The following DISC1 variants were observed in gnomAD, a reference collection of about 807,000 sequenced individuals.
The protein encoded by DISC1 is disrupted in schizophrenia 1 protein.
A neutral mutation model predicts 84.5 loss-of-function variants in DISC1; 57 were observed. The observed-to-expected ratio is 0.67, with a 90% CI of 0.55 to 0.84. The LOEUF (loss-of-function observed/expected upper bound fraction) is 0.84. Among genes scored for constraint, DISC1 ranks in the 40% least tolerant of loss-of-function variants. DISC1 has a pLI of 0.00. For missense variants in DISC1, 1,000 were observed against 1,057.8 expected (o/e 0.95, Z 0.76); for synonymous variants, 411 against 415.2 (o/e 0.99, Z 0.12).
In DISC1 at chr1:231,927,230, T is replaced by C. The variant is rs550311507; in HGVS notation, c.1982-31598T>C. ...CCTGTGGCCATGCAATTTCCATTTATAGCCATGTATTGGCTTACAAGCCTA... is the reference window on the plus strand; with the variant it reads ...CCTGTGGCCATGCAATTTCCATTTACAGCCATGTATTGGCTTACAAGCCTA... On this transcript the variant is annotated intron_variant, in intron 9 of 12. Coordinates refer to ENST00000439617, the MANE Select transcript of DISC1 (RefSeq NM_018662.3). Among the ~76,000 whole-genome samples, 22 of 152,344 alleles carry C rather than the reference T, an allele frequency of 1.4e-4. No homozygotes were observed. In the East Asian group the frequency reaches 4.3e-3, roughly 29 times the overall value.
chr1:231,886,771 CTTT>C (rs766086179), intron 9 of DISC1, among the ~76,000 whole-genome samples: 11,821 of 73,340 alleles, frequency 0.16, 788 homozygotes, highest in African/African-American at 0.2. Context: ...TCCTTCCTTT[CTTT>C]CTTTCTTTCT....
rs534330282 is a variant in DISC1 at position 232,018,202 on chromosome 1, A to G, written c.2308-8233A>G. Among the ~76,000 whole-genome samples, 31 of 152,346 alleles carry G rather than the reference A, an allele frequency of 2.0e-4. 1 individual carries two copies. In the South Asian group the frequency reaches 6.4e-3, roughly 32 times the overall value. ...TCCTCATCACTCTAGATACAGCCTG[A>G]TGAGATATTGTTACCAGATACTTTC... On this transcript the variant is annotated intron_variant, in intron 11 of 12. Coordinates refer to ENST00000439617, the MANE Select transcript of DISC1 (RefSeq NM_018662.3).
At position 231,892,638 on chromosome 1, in the gene DISC1, A is replaced by G. The variant is rs58522377; in HGVS notation, c.1982-66190A>G. On this transcript the variant is annotated intron_variant, in intron 9 of 12. Transcript: ENST00000439617. ...CGTGATCTTCACTCTGATGGAATCCAGTGGGGGAAATGAATATAAAAACAG... is the reference window on the plus strand; with the variant it reads ...CGTGATCTTCACTCTGATGGAATCCGGTGGGGGAAATGAATATAAAAACAG... 8.3e-3 allele frequency among the ~76,000 whole-genome samples: 1,258 copies of G among 151,908 alleles called. 17 individuals are homozygous for G. The highest frequency in any genetic ancestry group is 0.029 in the African/African-American group (1,188 of 41,368).
chr1:231,763,443 G>A (rs1207420707), intron 4 of DISC1, among the ~76,000 whole-genome samples: 1 of 152,146 alleles, frequency 6.6e-6, no homozygotes, highest in Admixed American at 6.5e-5. Flanking sequence ...ATGAAACAAA[G>A]AATAGATTTC....
chr1:231,697,638 G>A (rs150473675), intron 2 of DISC1, among the ~76,000 whole-genome samples: 119 of 139,872 alleles, frequency 8.5e-4, no homozygotes, highest in African/African-American at 3.1e-3. Flanking sequence ...GGGTAGAGAT[G>A]AGGGTCTTGC....
intron 1 of DISC1, among the ~76,000 whole-genome samples, chr1:231,673,030 T>G (rs1413705485): frequency 6.6e-6 from 1 of 152,160 alleles, no homozygotes; most frequent in Non-Finnish European, 1.5e-5. Flanking sequence ...AGTTGATGAG[T>G]GACCTCTGGT....
At chr1:231,837,643 G>A (rs1185099898) in intron 9 of DISC1, among the ~76,000 whole-genome samples, 1 of 152,164 alleles carries the variant, frequency 6.6e-6, no homozygotes, top group Non-Finnish European at 1.5e-5. Flanking sequence ...TATGGAAACT[G>A]TTATTGTATT....
intron 9 of DISC1, among the ~76,000 whole-genome samples, chr1:231,935,938 G>T (rs821579): frequency 5.3e-5 from 8 of 152,090 alleles, no homozygotes; most frequent in Non-Finnish European, 7.3e-5. Flanking sequence ...TTTTTACTGC[G>T]TCCTCCTCTC....
rs148359658 is a variant in DISC1, at chr1:232,030,712, G to A, written c.2425+4160G>A. On this transcript the variant is annotated intron_variant, in intron 12 of 12. Coordinates refer to ENST00000439617, the MANE Select transcript of DISC1 (RefSeq NM_018662.3). Reference sequence around the variant, plus strand: ...ACAGACAAAGGTAACGAGAGTTTTGGGAGACTGTCCTGCCTCCTTGGAGAT... The same window carrying A: ...ACAGACAAAGGTAACGAGAGTTTTGAGAGACTGTCCTGCCTCCTTGGAGAT... 3.6e-4 allele frequency among the ~76,000 whole-genome samples: 55 copies of A among 152,274 alleles called. 1 individual carries two copies. Among genetic ancestry groups the A allele is most frequent in the Middle Eastern group, 3.4e-3 (1 of 294 alleles).
At chr1:231,916,654 CAAAAA>C (rs3083755) in intron 9 of DISC1, among the ~76,000 whole-genome samples, 2 of 102,076 alleles carry the variant, frequency 2.0e-5, no homozygotes, top group Non-Finnish European at 4.3e-5. Flanking sequence ...GACTCCGTCT[CAAAAA>C]AAAAAAAAAA....
intron 3 of DISC1, among the ~76,000 whole-genome samples, chr1:231,744,767 T>C (rs185715118): frequency 8.1e-4 from 124 of 152,304 alleles, no homozygotes; most frequent in African/African-American, 2.6e-3. Context: ...AATTCACCCA[T>C]GGATCCAACA....
chr1:231,678,758 C>T (rs1238450061), intron 1 of DISC1, among the ~76,000 whole-genome samples: 4 of 152,170 alleles, frequency 2.6e-5, no homozygotes, highest in African/African-American at 7.2e-5. Flanking sequence ...TTCCGCCTCC[C>T]GAGTTCAAGC....
At chr1:231,730,442 A>G (rs2071368049) in intron 3 of DISC1, among the ~76,000 whole-genome samples, 1 of 152,178 alleles carries the variant, frequency 6.6e-6, no homozygotes, top group African/African-American at 2.4e-5. Flanking sequence ...TTTAAACTTT[A>G]GATTCAGGGG....
chr1:231,723,355 C>G, intron 3 of DISC1: 2 of 985,788 alleles, frequency 2.0e-6, no homozygotes, highest in South Asian at 9.4e-5. Context: ...TGCAGGAAGA[C>G]CTGTAAACTC....
At chr1:231,695,344 A>G (rs2065522316) in intron 2 of DISC1, among the ~76,000 whole-genome samples, 1 of 152,190 alleles carries the variant, frequency 6.6e-6, no homozygotes, top group Admixed American at 6.5e-5. Flanking sequence ...ACCAACTCAT[A>G]GGATTGTTCT....
rs763179161 is a variant in DISC1 at position 231,694,286 on chromosome 1, T to C, written c.528T>C (p.Ser176=). The C allele has an allele frequency of 1.2e-6, 2 of 1,614,258 alleles. No homozygotes were observed. Among genetic ancestry groups the C allele is most frequent in the Admixed American group, 3.3e-5 (2 of 60,032 alleles). ...DGARRVRAAG[S]LPSAELSSNS... ...CAAGGCGTGTCCGGGCAGCAGGCTC[T>C]CTGCCATCAGCAGAGTTGAGTAGCA... Residue 176 remains serine, a synonymous_variant, in exon 2 of 13, where the codon TCT becomes TCC. Transcript: ENST00000439617.
chr1:231,707,720 A>G (rs532222628), intron 3 of DISC1, among the ~76,000 whole-genome samples: 2 of 79,846 alleles, frequency 2.5e-5, no homozygotes, highest in East Asian at 9.5e-4. Flanking sequence ...TTTTTATGAT[A>G]TGTTTGTTTT....
intron 1 of DISC1, among the ~76,000 whole-genome samples, chr1:231,691,462 A>C (rs745516703): frequency 3.8e-4 from 58 of 152,018 alleles, no homozygotes; most frequent in Non-Finnish European, 7.8e-4. Context: ...AGAAAAAAAG[A>C]AAAGGCTATT....
At chr1:231,927,447 T>A (rs1473763389) in intron 9 of DISC1, among the ~76,000 whole-genome samples, 2 of 152,242 alleles carry the variant, frequency 1.3e-5, no homozygotes, top group Admixed American at 6.5e-5. Context: ...TGGTATCAAA[T>A]TCTGCCTTGG....
Sources: gnomAD v4.1 joint callset for allele counts (sites outside exome capture counted in the v4.1 genomes callset) on GRCh38, gnomAD v4.1.1 for gene constraint, MANE v1.5 for transcripts, NCBI Gene and HGNC (gene_info 2026-07-23, HGNC 2026-07-21) for gene names.